Variants in PSD3 observed in about 807,000 individuals in gnomAD.
The protein encoded by PSD3 is pleckstrin and Sec7 domain containing 3.
PSD3 carries 49 observed loss-of-function variants against 105.5 expected under a neutral mutation model. The ratio of observed to expected loss-of-function variants is 0.46; its 90% CI spans 0.37 to 0.59. The LOEUF (loss-of-function observed/expected upper bound fraction) is 0.59, where lower values mean the gene tolerates loss of function less well. Ranked by LOEUF, PSD3 falls within the 20% of genes least tolerant of loss-of-function variation. The pLI is 0.00. For missense variants in PSD3, 1,561 were observed against 1,263.8 expected (o/e 1.24, Z -3.57); for synonymous variants, 557 against 457.8 (o/e 1.22, Z -2.77).
At chr8:18,612,024 C>T (rs1219036935) in intron 11 of PSD3, among the ~76,000 whole-genome samples, 1 of 152,126 alleles carries the variant, frequency 6.6e-6, no homozygotes, top group Non-Finnish European at 1.5e-5. Flanking sequence ...GTTAAATGAA[C>T]TCTTTTAAAT....
chr8:18,635,381 T>C (rs11782409), intron 10 of PSD3, among the ~76,000 whole-genome samples: 3,853 of 152,238 alleles, frequency 0.025, 79 homozygotes, highest in East Asian at 0.1. Flanking sequence ...GATACAGTTA[T>C]GTATCATATA....
intron 9 of PSD3, chr8:18,762,813 A>G: frequency 8.8e-6 from 6 of 679,066 alleles, no homozygotes; most frequent in Non-Finnish European, 1.3e-5. Context: ...TTTCTCACAC[A>G]TTTAAATATG....
intron 8 of PSD3, among the ~76,000 whole-genome samples, chr8:18,796,545 T>C (rs925074563): frequency 1.3e-5 from 2 of 152,180 alleles, no homozygotes; most frequent in African/African-American, 4.8e-5. Context: ...TTCCATTATT[T>C]TATTAGTAAG....
At position 18,766,951 on chromosome 8, in the gene PSD3, ACCT is replaced by A. The variant is rs35016610; in HGVS notation, c.2083-1416_2083-1414del. 1.2e-3 allele frequency among the ~76,000 whole-genome samples: 181 copies of A among 152,306 alleles called. 3 individuals carry two copies. The East Asian group carries it at 0.029, about 24-fold the overall frequency. On this transcript the variant is annotated intron_variant, in intron 8 of 15. Transcript: ENST00000327040. ...TGCACTAGCGGGAGATACCAGCTCT[ACCT>A]TCCAGGGAGATATGCAAACCTGACC...
chr8:18,535,735 G>A lies in PSD3; in HGVS notation c.*8C>T, dbSNP rs1053257241. ...CCATGACCAGCACTTCCTGGCCGCA[G>A]ATGGACTCTAAGTAACTTTTTGCTT... On this transcript the variant is annotated 3_prime_UTR_variant, in exon 16 of 16. Transcript: ENST00000327040. 1 of 1,598,238 alleles carries A rather than the reference G, an allele frequency of 6.3e-7. No individual in the cohort carries two copies. Among genetic ancestry groups the A allele is most frequent in the Non-Finnish European group, 8.6e-7 (1 of 1,165,660 alleles).
Position 18,747,103 on chromosome 8 carries a change from G to A in PSD3, c.2172+18346C>T, listed in dbSNP as rs1045536099. Among the ~76,000 whole-genome samples, 4 of 152,166 alleles carry A rather than the reference G, an allele frequency of 2.6e-5. No individual in the cohort carries two copies. In the East Asian group the frequency reaches 5.8e-4, roughly 22 times the overall value. ...ACCCTATAGATTTTAAGATTGAAAA[G>A]GGCTTCTCAAACGTAAATAATGCCC... is the stretch of plus-strand genomic sequence containing the variant. On this transcript the variant is annotated intron_variant, in intron 9 of 15. Coordinates refer to ENST00000327040, the MANE Select transcript of PSD3 (RefSeq NM_015310.4).
intron 9 of PSD3, among the ~76,000 whole-genome samples, chr8:18,722,826 A>G (rs1219573827): frequency 6.6e-6 from 1 of 152,160 alleles, no homozygotes; most frequent in Admixed American, 6.6e-5. Context: ...ACTCCCAAGG[A>G]GCATTACTGG....
At chr8:18,638,389 G>A (rs574456479) in intron 10 of PSD3, among the ~76,000 whole-genome samples, 14 of 151,132 alleles carry the variant, frequency 9.3e-5, no homozygotes, top group African/African-American at 2.4e-4. Flanking sequence ...TAGAAAAACC[G>A]TAAAAACTAC....
At chr8:18,682,524 T>C (rs1169564923) in intron 9 of PSD3, among the ~76,000 whole-genome samples, 1 of 152,116 alleles carries the variant, frequency 6.6e-6, no homozygotes, top group East Asian at 1.9e-4. Flanking sequence ...TGAAGACACG[T>C]TTCTCTCTAA....
intron 1 of PSD3, among the ~76,000 whole-genome samples, chr8:18,973,413 G>C (rs538159305): frequency 1.4e-4 from 21 of 152,302 alleles, no homozygotes; most frequent in African/African-American, 4.8e-4. Flanking sequence ...TCTGGTGGCG[G>C]CCCTCTTACT....
At chr8:18,720,096 T>C (rs1453953828) in intron 9 of PSD3, among the ~76,000 whole-genome samples, 1 of 152,150 alleles carries the variant, frequency 6.6e-6, no homozygotes, top group Non-Finnish European at 1.5e-5. Flanking sequence ...TAGGGACTAC[T>C]GCCATTTCCA....
At chr8:18,893,851 C>T (rs1455515849) in intron 2 of PSD3, among the ~76,000 whole-genome samples, 1 of 152,218 alleles carries the variant, frequency 6.6e-6, no homozygotes, top group Non-Finnish European at 1.5e-5. Context: ...TGCCATTCTG[C>T]TCCATTTCCT....
chr8:19,016,598 CATA>C (rs1317517807), upstream of PSD3, among the ~76,000 whole-genome samples: 10 of 152,348 alleles, frequency 6.6e-5, no homozygotes, highest in East Asian at 1.2e-3. Flanking sequence ...CTACCACCTA[CATA>C]ATATTTTGTA....
At chr8:18,873,911 TATA>T (rs1200519545) in intron 2 of PSD3, among the ~76,000 whole-genome samples, 1 of 152,176 alleles carries the variant, frequency 6.6e-6, no homozygotes, top group Admixed American at 6.5e-5. Flanking sequence ...GAACCAAATT[TATA>T]ATATTTTCTT....
At chr8:18,989,067 A>T (rs954152902) in intron 1 of PSD3, among the ~76,000 whole-genome samples, 1 of 152,166 alleles carries the variant, frequency 6.6e-6, no homozygotes, top group African/African-American at 2.4e-5. Flanking sequence ...CCTCTATTCA[A>T]TTCCTCCAGT....
At chr8:18,733,817 G>C (rs1395487670) in intron 9 of PSD3, 1 of 152,610 alleles carries the variant, frequency 6.6e-6, no homozygotes, top group Non-Finnish European at 1.5e-5. Flanking sequence ...TAGTAGAAAG[G>C]CTTTGAAGCC....
intron 7 of PSD3, chr8:18,800,966 T>G (rs1810627603): frequency 1.1e-5 from 2 of 176,354 alleles, no homozygotes; most frequent in African/African-American, 4.7e-5. Flanking sequence ...ACTAGAGAAG[T>G]GGAAAACAAA....
chr8:18,624,862 A>AT (rs894625965), intron 11 of PSD3, among the ~76,000 whole-genome samples: 313 of 150,944 alleles, frequency 2.1e-3, no homozygotes, highest in African/African-American at 7.2e-3. Context: ...ATACATATCA[A>AT]TTTTTTTTTA....
intron 14 of PSD3, among the ~76,000 whole-genome samples, chr8:18,564,819 C>T (rs575516198): frequency 9.2e-5 from 14 of 151,992 alleles, no homozygotes; most frequent in Non-Finnish European, 1.6e-4. Context: ...GGTCATACCA[C>T]AGGACAAAAG....
Sources: gnomAD v4.1 joint callset for allele counts (sites outside exome capture counted in the v4.1 genomes callset) on GRCh38, gnomAD v4.1.1 for gene constraint, MANE v1.5 for transcripts, NCBI Gene and HGNC (gene_info 2026-07-23, HGNC 2026-07-21) for gene names.